Variants in XKR4 observed in about 807,000 individuals in gnomAD.
The protein encoded by XKR4 is XK related 4.
Under a neutral mutation model 53.9 loss-of-function variants are expected in XKR4, and 12 were observed. That is an observed-to-expected ratio of 0.22 (90% CI 0.14 to 0.36). The LOEUF (loss-of-function observed/expected upper bound fraction) is 0.36, where lower values mean the gene tolerates loss of function less well. Among genes scored for constraint, XKR4 ranks in the 10% least tolerant of loss-of-function variants. The pLI is 1.00. For synonymous variants in XKR4, 354 were observed against 362.4 expected (o/e 0.98, Z 0.26); for missense variants, 799 against 859.5 (o/e 0.93, Z 0.88).
intron 2 of XKR4, among the ~76,000 whole-genome samples, chr8:55,409,722 G>A (rs1804747645): frequency 6.6e-6 from 1 of 152,042 alleles, no homozygotes; most frequent in Non-Finnish European, 1.5e-5. Context: ...ATGCTTAGAT[G>A]GCATACATGG....
intron 2 of XKR4, among the ~76,000 whole-genome samples, chr8:55,383,635 A>G (rs1040890301): frequency 5.3e-5 from 8 of 152,180 alleles, no homozygotes; most frequent in Middle Eastern, 6.3e-3. Flanking sequence ...AAATGATCCA[A>G]TTTTTCTAAT....
intron 2 of XKR4, among the ~76,000 whole-genome samples, chr8:55,497,670 G>A (rs947592421): frequency 6.6e-6 from 1 of 152,202 alleles, no homozygotes; most frequent in African/African-American, 2.4e-5. Flanking sequence ...ACAAATGCAA[G>A]TGTCAAAGAC....
intron 2 of XKR4, chr8:55,449,627 TC>T (rs1805398486): frequency 9.6e-7 from 1 of 1,043,086 alleles, no homozygotes; most frequent in Non-Finnish European, 1.5e-6. Context: ...GGCCTTCTCA[TC>T]CACGCTCTTA....
intron 1 of XKR4, among the ~76,000 whole-genome samples, chr8:55,323,550 G>A (rs530820083): frequency 1.3e-5 from 2 of 152,284 alleles, no homozygotes; most frequent in African/African-American, 4.8e-5. Context: ...TTGCTAAGTA[G>A]TATTCTATTG....
At chr8:55,422,240 T>C (rs1441806235) in intron 2 of XKR4, among the ~76,000 whole-genome samples, 1 of 152,302 alleles carries the variant, frequency 6.6e-6, no homozygotes, top group South Asian at 2.1e-4. Flanking sequence ...TGCTAAAAGA[T>C]ATAAAAAATA....
intron 1 of XKR4, among the ~76,000 whole-genome samples, chr8:55,151,593 G>A (rs1816840954): frequency 6.6e-6 from 1 of 151,968 alleles, no homozygotes; most frequent in Non-Finnish European, 1.5e-5. Flanking sequence ...TTTATATATT[G>A]TTTTTTATAA....
intron 1 of XKR4, among the ~76,000 whole-genome samples, chr8:55,212,123 A>T (rs1009577220): frequency 6.6e-6 from 1 of 151,884 alleles, no homozygotes; most frequent in Admixed American, 6.6e-5. Context: ...GTGAAAAAAA[A>T]AAAAGGCAGA....
chr8:55,189,034 GTGTAATTTGAGGTCCAAGC>G (rs1325764861), intron 1 of XKR4, among the ~76,000 whole-genome samples: 1 of 152,190 alleles, frequency 6.6e-6, no homozygotes, highest in Non-Finnish European at 1.5e-5. Context: ...AAACACACAA[GTGTAATTTGAGGTCCAAGC>G]TGAGATAAAC....
At chr8:55,348,729 G>A (rs1206471851) in intron 1 of XKR4, among the ~76,000 whole-genome samples, 1 of 147,944 alleles carries the variant, frequency 6.8e-6, no homozygotes, top group Non-Finnish European at 1.5e-5. Flanking sequence ...CACAGAGAGA[G>A]AGATGATAGA....
intron 1 of XKR4, among the ~76,000 whole-genome samples, chr8:55,133,802 C>T (rs1190849805): frequency 1.3e-5 from 2 of 152,206 alleles, no homozygotes; most frequent in East Asian, 3.8e-4. Context: ...GGGAGAATTA[C>T]ATTGCACTTA....
intron 2 of XKR4, among the ~76,000 whole-genome samples, chr8:55,377,175 G>A (rs1425986336): frequency 6.6e-6 from 1 of 152,170 alleles, no homozygotes; most frequent in Non-Finnish European, 1.5e-5. Flanking sequence ...GGAAACTTGA[G>A]TCAAAAAACC....
intron 1 of XKR4, among the ~76,000 whole-genome samples, chr8:55,120,399 T>G: frequency 6.6e-6 from 1 of 152,120 alleles, no homozygotes; most frequent in East Asian, 1.9e-4. Flanking sequence ...AGACCTCTGT[T>G]GGTGAGCTAT....
chr8:55,174,630 T>C (rs913225798), intron 1 of XKR4, among the ~76,000 whole-genome samples: 3 of 152,166 alleles, frequency 2.0e-5, no homozygotes, highest in Non-Finnish European at 4.4e-5. Context: ...CTCTTTGTTG[T>C]AATGTGTTGG....
At chr8:55,145,681 C>T (rs1031942) in intron 1 of XKR4, among the ~76,000 whole-genome samples, 85,278 of 152,082 alleles carry the variant, frequency 0.56, 24,314 homozygotes, top group South Asian at 0.69. Flanking sequence ...ATTCAAGAAC[C>T]TAAAAGAGAT....
At chr8:55,161,498 CA>C in intron 1 of XKR4, 1 of 455,250 alleles carries the variant, frequency 2.2e-6, no homozygotes, top group Non-Finnish European at 4.4e-6. Flanking sequence ...TTATAGCCAC[CA>C]TCTGAAAAAA....
intron 1 of XKR4, among the ~76,000 whole-genome samples, chr8:55,146,372 T>C (rs1816773458): frequency 6.6e-6 from 1 of 152,170 alleles, no homozygotes; most frequent in Non-Finnish European, 1.5e-5. Flanking sequence ...TTCTTACATA[T>C]AAGTATAATG....
At chr8:55,512,500 CCAA>C in intron 2 of XKR4, among the ~76,000 whole-genome samples, 1 of 152,342 alleles carries the variant, frequency 6.6e-6, no homozygotes, top group Non-Finnish European at 1.5e-5. Context: ...CCCTCCTGGA[CCAA>C]GCCTTAGTAC....
intron 1 of XKR4, among the ~76,000 whole-genome samples, chr8:55,119,324 G>C (rs185953511): frequency 6.6e-6 from 1 of 152,282 alleles, no homozygotes; most frequent in Non-Finnish European, 1.5e-5. Flanking sequence ...TCCCAGAAGA[G>C]ACTCTTAGAC....
intron 1 of XKR4, among the ~76,000 whole-genome samples, chr8:55,113,748 C>T (rs1816265656): frequency 6.6e-6 from 1 of 152,110 alleles, no homozygotes; most frequent in Non-Finnish European, 1.5e-5. Context: ...CTTTTGGAGT[C>T]TCCAGTGTCT....
Sources: allele counts gnomAD v4.1 joint callset (sites outside exome capture counted in the v4.1 genomes callset), GRCh38; gene constraint gnomAD v4.1.1; transcripts MANE v1.5; gene names NCBI Gene and HGNC (gene_info 2026-07-23, HGNC 2026-07-21).